KIF18A: variants seen among roughly 807,000 people sequenced by gnomAD.
The protein encoded by KIF18A is kinesin-like protein KIF18A.
A neutral mutation model predicts 103.3 loss-of-function variants in KIF18A; 67 were observed. The observed-to-expected ratio is 0.65, with a 90% confidence interval of 0.53 to 0.79. KIF18A has a LOEUF of 0.79. Ranked by LOEUF, KIF18A falls within the 30% of genes least tolerant of loss-of-function variation. KIF18A has a pLI of 0.00. For missense variants in KIF18A, 1,032 were observed against 1,062.5 expected (o/e 0.97, Z 0.40); for synonymous variants, 367 against 355.5 (o/e 1.03, Z -0.36).
chr11:28,034,980 A>G (rs1405965433), intron 15 of KIF18A, among the ~76,000 whole-genome samples: 1 of 151,646 alleles, frequency 6.6e-6, no homozygotes, highest in East Asian at 1.9e-4. Flanking sequence ...CTCTTCACTC[A>G]TTATATTTTA....
intron 13 of KIF18A, among the ~76,000 whole-genome samples, chr11:28,054,212 ATTT>A (rs869284032): frequency 2.8e-5 from 4 of 143,966 alleles, no homozygotes; most frequent in African/African-American, 5.1e-5. Context: ...ATCTCATCAG[ATTT>A]TTTTTTTTTT....
At chr11:28,041,795 T>C (rs1850564101) in intron 13 of KIF18A, among the ~76,000 whole-genome samples, 1 of 151,842 alleles carries the variant, frequency 6.6e-6, no homozygotes, top group African/African-American at 2.4e-5. Context: ...TTATAATATC[T>C]ATATATGTAA....
intron 11 of KIF18A, among the ~76,000 whole-genome samples, chr11:28,063,652 T>G (rs1248006909): frequency 6.6e-6 from 1 of 151,982 alleles, no homozygotes; most frequent in Non-Finnish European, 1.5e-5. Flanking sequence ...TCTAGTAACA[T>G]TCTCAGAAAT....
intron 1 of KIF18A, among the ~76,000 whole-genome samples, chr11:28,098,318 A>G (rs1364864264): frequency 2.0e-5 from 3 of 152,228 alleles, no homozygotes; most frequent in African/African-American, 7.2e-5. Flanking sequence ...ACCATATATA[A>G]TCACAGATAT....
intron 2 of KIF18A, among the ~76,000 whole-genome samples, chr11:28,096,173 C>CCA (rs1480295374): frequency 2.0e-5 from 1 of 49,694 alleles, no homozygotes; most frequent in Non-Finnish European, 3.4e-5. Flanking sequence ...AAGACTTCAT[C>CCA]AAAAAAAAAA....
At chr11:28,105,305 A>G (rs1173747540) in intron 1 of KIF18A, among the ~76,000 whole-genome samples, 1 of 152,220 alleles carries the variant, frequency 6.6e-6, no homozygotes, top group East Asian at 1.9e-4. Context: ...GACTGACTGA[A>G]TCTAAAGGCC....
chr11:28,066,293 T>C (rs554473337), intron 11 of KIF18A, among the ~76,000 whole-genome samples: 1 of 152,106 alleles, frequency 6.6e-6, no homozygotes, highest in Admixed American at 6.6e-5. Flanking sequence ...TCAACTCTTG[T>C]GTATTAAATG....
chr11:28,063,734 A>T (rs1229164359), intron 11 of KIF18A, among the ~76,000 whole-genome samples: 21 of 152,036 alleles, frequency 1.4e-4, no homozygotes, highest in Admixed American at 1.4e-3. Flanking sequence ...TGGCTAAGAC[A>T]GGAACCCCAT....
intron 16 of KIF18A, among the ~76,000 whole-genome samples, chr11:28,022,268 GT>G (rs200643729): frequency 6.9e-4 from 99 of 142,688 alleles, no homozygotes; most frequent in Admixed American, 9.9e-4. Context: ...TATGATTTGA[GT>G]TTTTTTTTTT....
At chr11:28,027,726 A>G (rs940524894) in intron 15 of KIF18A, among the ~76,000 whole-genome samples, 1 of 152,160 alleles carries the variant, frequency 6.6e-6, no homozygotes, top group African/African-American at 2.4e-5. Context: ...AGCAAAGAAA[A>G]GCTTGGAATT....
chr11:28,034,344 G>GATA (rs1850451763), intron 15 of KIF18A, among the ~76,000 whole-genome samples: 1 of 151,716 alleles, frequency 6.6e-6, no homozygotes. Context: ...GCAGAGCAAA[G>GATA]ATAAATCACC....
Position 28,044,279 on chromosome 11 carries a change from A to T in KIF18A, c.1949-7615T>A, listed in dbSNP as rs145537669. 4.6e-3 allele frequency among the ~76,000 whole-genome samples: 695 copies of T among 152,152 alleles called. 6 individuals are homozygous for T. The highest frequency in any genetic ancestry group is 0.016 in the African/African-American group (647 of 41,538). On this transcript the variant is annotated intron_variant, in intron 13 of 16. Transcript: ENST00000263181. The stretch of plus-strand genomic sequence containing the variant: ...CTGATTTTTCTCCCACTTCTCTGTA[A>T]TACTGGTAGCCAGGCCCATATACCC...
At chr11:28,046,011 T>C (rs1405733181) in intron 13 of KIF18A, among the ~76,000 whole-genome samples, 4 of 151,448 alleles carry the variant, frequency 2.6e-5, no homozygotes, top group Non-Finnish European at 5.9e-5. Context: ...CTCACACCAG[T>C]TAGAATGGCA....
chr11:28,021,013 T>C lies in KIF18A; in HGVS notation c.*187A>G. On this transcript the variant is annotated 3_prime_UTR_variant, in exon 17 of 17. Coordinates refer to ENST00000263181, the MANE Select transcript of KIF18A (RefSeq NM_031217.4). Reference sequence around the variant, plus strand: ...AAAAGACAACCTTTTCTTTTGAAATTTTATTTTTTTAGAACACAAAAGAAG... The same window carrying C: ...AAAAGACAACCTTTTCTTTTGAAATCTTATTTTTTTAGAACACAAAAGAAG... 1 of 461,518 alleles carries C rather than the reference T, an allele frequency of 2.2e-6. No individual in the cohort carries two copies. The highest frequency in any genetic ancestry group is 3.2e-6 in the Non-Finnish European group (1 of 311,512). 28.6% of individuals were successfully genotyped at this position (461,518 alleles called of 1,614,324 possible).
At chr11:28,106,217 T>A (rs1020099003) in intron 1 of KIF18A, among the ~76,000 whole-genome samples, 1 of 152,122 alleles carries the variant, frequency 6.6e-6, no homozygotes, top group Admixed American at 6.5e-5. Context: ...CGGGTACAAA[T>A]CTAAAGTCCA....
chr11:28,078,851 A>G (rs994950620), intron 9 of KIF18A, among the ~76,000 whole-genome samples: 1 of 152,086 alleles, frequency 6.6e-6, no homozygotes, highest in African/African-American at 2.4e-5. Flanking sequence ...TTGAAAATTC[A>G]TGGCATTAAA....
At chr11:28,045,936 T>A (rs1288314817) in intron 13 of KIF18A, among the ~76,000 whole-genome samples, 1 of 151,198 alleles carries the variant, frequency 6.6e-6, no homozygotes, top group Non-Finnish European at 1.5e-5. Flanking sequence ...AAAAAACACA[T>A]GAAAAAATGC....
At chr11:28,099,316 A>G (rs1851417313) in intron 1 of KIF18A, among the ~76,000 whole-genome samples, 1 of 152,096 alleles carries the variant, frequency 6.6e-6, no homozygotes, top group East Asian at 1.9e-4. Context: ...AATGGTTACC[A>G]GAGGCTGAGG....
rs369752170 is a variant in KIF18A, at chr11:28,089,155, A to T, written c.700-434T>A. On this transcript the variant is annotated intron_variant, in intron 5 of 16. Transcript: ENST00000263181. ...TGAATTCGAATCTTGATCCAAACTG[A>T]AGAGTAAATTTATTCTAATCCCCCA... Among the ~76,000 whole-genome samples, 9 of 152,310 alleles carry T rather than the reference A, an allele frequency of 5.9e-5. No homozygotes were observed. The South Asian group carries it at 1.9e-3, about 32-fold the overall frequency.
Sources: gnomAD v4.1 joint callset for allele counts (sites outside exome capture counted in the v4.1 genomes callset) on GRCh38, gnomAD v4.1.1 for gene constraint, MANE v1.5 for transcripts, NCBI Gene and HGNC (gene_info 2026-07-23, HGNC 2026-07-21) for gene names.